KCNMB2: variants seen among roughly 807,000 people sequenced by gnomAD.
KCNMB2 encodes the protein calcium-activated potassium channel subunit beta-2.
In KCNMB2, 9 loss-of-function variants were observed where a neutral mutation model predicts 24.5. The ratio of observed to expected loss-of-function variants is 0.37; its 90% CI spans 0.22 to 0.64. The LOEUF is 0.64. Among genes scored for constraint, KCNMB2 ranks in the 30% least tolerant of loss-of-function variants. KCNMB2 has a pLI of 0.63. For synonymous variants in KCNMB2, 109 were observed against 104.4 expected, an observed-to-expected ratio of 1.04 and a Z score of -0.27; for missense variants, 226 against 284.3, an observed-to-expected ratio of 0.79 and a Z score of 1.47.
At chr3:178,599,947 G>A (rs984511027) in intron 1 of KCNMB2, among the ~76,000 whole-genome samples, 2 of 152,108 alleles carry the variant, frequency 1.3e-5, no homozygotes, top group Admixed American at 6.6e-5. Flanking sequence ...GCATGATCTT[G>A]GCTCACTACA....
chr3:178,684,685 G>T, intron 1 of KCNMB2, among the ~76,000 whole-genome samples: 1 of 152,004 alleles, frequency 6.6e-6, no homozygotes, highest in East Asian at 1.9e-4. Context: ...AAAAAAGTTA[G>T]CTGGGTGTGG....
At chr3:178,658,747 T>C (rs1720426724) in intron 1 of KCNMB2, among the ~76,000 whole-genome samples, 2 of 152,222 alleles carry the variant, frequency 1.3e-5, no homozygotes, top group South Asian at 2.1e-4. Context: ...GCTAGTACCA[T>C]ATCATGACTA....
chr3:178,758,296 A>ATC (rs1724279224), intron 1 of KCNMB2, among the ~76,000 whole-genome samples: 1 of 38,100 alleles, frequency 2.6e-5, no homozygotes, highest in East Asian at 7.7e-4. Context: ...AAGGGGATAT[A>ATC]TATATATATC....
At chr3:178,808,961 C>A (rs1400610165) in intron 2 of KCNMB2, among the ~76,000 whole-genome samples, 1 of 152,098 alleles carries the variant, frequency 6.6e-6, no homozygotes, top group African/African-American at 2.4e-5. Context: ...AAAAACAAGT[C>A]CCAGTGCTCA....
intron 1 of KCNMB2, among the ~76,000 whole-genome samples, chr3:178,755,987 G>C (rs1434884536): frequency 1.3e-5 from 2 of 151,956 alleles, no homozygotes; most frequent in Non-Finnish European, 2.9e-5. Context: ...CTGCTGAGGA[G>C]GATATAAATT....
At chr3:178,816,389 C>T (rs1367686051) in intron 2 of KCNMB2, among the ~76,000 whole-genome samples, 1 of 151,720 alleles carries the variant, frequency 6.6e-6, no homozygotes, top group Non-Finnish European at 1.5e-5. Flanking sequence ...TTTCCTTGAT[C>T]AATTTTTTCA....
intron 1 of KCNMB2, among the ~76,000 whole-genome samples, chr3:178,626,011 G>C (rs907066975): frequency 6.6e-6 from 1 of 152,182 alleles, no homozygotes; most frequent in Non-Finnish European, 1.5e-5. Context: ...AGAAGAAACT[G>C]ATCAGGGAAA....
intron 2 of KCNMB2, among the ~76,000 whole-genome samples, chr3:178,816,761 T>G (rs548169616): frequency 6.6e-6 from 1 of 152,288 alleles, no homozygotes; most frequent in Middle Eastern, 3.4e-3. Context: ...GGTTTTACTT[T>G]CTTCTGTAGA....
At chr3:178,760,629 T>A (rs1405558175) in intron 1 of KCNMB2, among the ~76,000 whole-genome samples, 1 of 150,978 alleles carries the variant, frequency 6.6e-6, no homozygotes, top group Non-Finnish European at 1.5e-5. Context: ...TTAGCTAAAT[T>A]TTCTTTTACA....
intron 1 of KCNMB2, among the ~76,000 whole-genome samples, chr3:178,640,301 G>A (rs1165025384): frequency 6.6e-6 from 1 of 152,128 alleles, no homozygotes; most frequent in Non-Finnish European, 1.5e-5. Flanking sequence ...TGGCTGGGAG[G>A]CCTCAGGAAA....
intron 1 of KCNMB2, among the ~76,000 whole-genome samples, chr3:178,598,420 G>A (rs1717956073): frequency 6.6e-6 from 1 of 152,064 alleles, no homozygotes. Flanking sequence ...TTATTTATTT[G>A]TTCACTCATT....
intron 1 of KCNMB2, among the ~76,000 whole-genome samples, chr3:178,800,906 A>G (rs9861510): frequency 0.25 from 38,038 of 152,022 alleles, 6,121 homozygotes; most frequent in African/African-American, 0.45. Flanking sequence ...ATTATATTAC[A>G]TGAAATAAGC....
intron 1 of KCNMB2, among the ~76,000 whole-genome samples, chr3:178,657,234 T>G (rs1441700723): frequency 6.6e-6 from 1 of 152,212 alleles, no homozygotes; most frequent in Non-Finnish European, 1.5e-5. Flanking sequence ...ACAGGATAGC[T>G]CTGAGTTCAT....
chr3:178,625,976 C>G (rs556337748), intron 1 of KCNMB2, among the ~76,000 whole-genome samples: 1 of 152,170 alleles, frequency 6.6e-6, no homozygotes, highest in Non-Finnish European at 1.5e-5. Flanking sequence ...GTGAAATAGG[C>G]CTAAAGGACA....
Position 178,680,019 on chromosome 3 carries a change from A to C in KCNMB2, c.-67-127324A>C, listed in dbSNP as rs115826557. Among the ~76,000 whole-genome samples the C allele has an allele frequency of 4.9e-3, 741 of 152,130 alleles. 5 individuals carry two copies. Among genetic ancestry groups the C allele is most frequent in the African/African-American group, 0.017 (718 of 41,526 alleles). The stretch of plus-strand genomic sequence containing the variant: ...ATAGAGTCTGACCTTGGCAGGTGAC[A>C]GTGGGGAAGAATCGGCCCCAGACTC... On this transcript the variant is annotated intron_variant, in intron 1 of 4. Coordinates refer to ENST00000452583, the MANE Select transcript of KCNMB2 (RefSeq NM_181361.3).
At chr3:178,819,363 G>A (rs1241594866) in intron 2 of KCNMB2, among the ~76,000 whole-genome samples, 2 of 151,958 alleles carry the variant, frequency 1.3e-5, no homozygotes, top group African/African-American at 4.8e-5. Flanking sequence ...CATTTACAGG[G>A]GGGCCAGATT....
rs781066708 is a variant in KCNMB2 at position 178,828,380 on chromosome 3, A to G, written c.423+7A>G. 3.7e-6 allele frequency: 6 copies of G among 1,605,364 alleles called. No individual in the cohort carries two copies. The highest frequency in any genetic ancestry group is 5.1e-6 in the Non-Finnish European group (6 of 1,173,094). On this transcript the variant is annotated splice_region_variant and intron_variant, in intron 4 of 4. Coordinates refer to ENST00000452583, the MANE Select transcript of KCNMB2 (RefSeq NM_181361.3). Reference sequence around the variant, plus strand: ...AATAAAAATCAATCAGAAGGTAGGAACTTGGCGTACTGCATTTCAGTTACC... The same window carrying G: ...AATAAAAATCAATCAGAAGGTAGGAGCTTGGCGTACTGCATTTCAGTTACC...
intron 1 of KCNMB2, among the ~76,000 whole-genome samples, chr3:178,562,240 G>T (rs1404961898): frequency 2.0e-5 from 3 of 152,158 alleles, no homozygotes; most frequent in African/African-American, 7.2e-5. Context: ...AATATGTTTT[G>T]GTTATGCAAT....
Position 178,759,671 on chromosome 3 carries a change from TATATATATCCAAGAGGATATATATACAC to T in KCNMB2, c.-67-47663_-67-47636del, listed in dbSNP as rs1402174832. 9.2e-4 allele frequency among the ~76,000 whole-genome samples: 97 copies of T among 105,920 alleles called. 6 individuals carry two copies. Among genetic ancestry groups the T allele is most frequent in the African/African-American group, 2.7e-3 (89 of 32,436 alleles). 69.5% of individuals were successfully genotyped at this position (105,920 alleles called of 152,430 possible). ...TATATATCTCCAAGAGGGATATATATATATATATCCAAGAGGATATATATACACATATATATATCCAAGAGGATATATA... is the reference window on the plus strand; with the variant it reads ...TATATATCTCCAAGAGGGATATATATATATATATATCCAAGAGGATATATA... On this transcript the variant is annotated intron_variant, in intron 1 of 4. Coordinates refer to ENST00000452583, the MANE Select transcript of KCNMB2 (RefSeq NM_181361.3).
Sources: gnomAD v4.1 joint callset for allele counts (sites outside exome capture counted in the v4.1 genomes callset) on GRCh38, gnomAD v4.1.1 for gene constraint, MANE v1.5 for transcripts, NCBI Gene and HGNC (gene_info 2026-07-23, HGNC 2026-07-21) for gene names.